The following MAST4 variants were observed in gnomAD, a reference collection of about 807,000 sequenced individuals.
The protein encoded by MAST4 is microtubule-associated serine/threonine-protein kinase 4.
A neutral mutation model predicts 162.7 loss-of-function variants in MAST4; 89 were observed. The ratio of observed to expected loss-of-function variants is 0.55; its 90% CI spans 0.46 to 0.65. The LOEUF (loss-of-function observed/expected upper bound fraction) is 0.65, where lower values mean the gene tolerates loss of function less well. Among genes scored for constraint, MAST4 ranks in the 30% least tolerant of loss-of-function variants. The pLI is 0.00. For missense variants in MAST4, 3,153 were observed against 3,374.0 expected, an observed-to-expected ratio of 0.93 and a Z score of 1.62; for synonymous variants, 1,479 against 1,361.1, an observed-to-expected ratio of 1.09 and a Z score of -1.91.
chr5:67,092,351 A>G (rs1352179492), intron 6 of MAST4, among the ~76,000 whole-genome samples: 1 of 152,208 alleles, frequency 6.6e-6, no homozygotes, highest in African/African-American at 2.4e-5. Flanking sequence ...ATAGACTAGA[A>G]AGTATAATGA....
chr5:66,886,538 C>CTGTG (rs777645054), intron 3 of MAST4, among the ~76,000 whole-genome samples: 1 of 151,534 alleles, frequency 6.6e-6, no homozygotes, highest in Non-Finnish European at 1.5e-5. Flanking sequence ...TTTGTTGTTG[C>CTGTG]TGTGTGTGTG....
At chr5:66,899,256 C>T (rs1343903295) in intron 3 of MAST4, among the ~76,000 whole-genome samples, 1 of 151,790 alleles carries the variant, frequency 6.6e-6, no homozygotes, top group Non-Finnish European at 1.5e-5. Flanking sequence ...TTTAGTTTTC[C>T]ACAGCCTCTT....
chr5:66,938,834 A>G (rs150388666), intron 4 of MAST4, among the ~76,000 whole-genome samples: 10 of 152,366 alleles, frequency 6.6e-5, no homozygotes, highest in African/African-American at 2.4e-4. Context: ...ACACATAAAC[A>G]GATACAACTG....
chr5:66,619,564 A>G (rs1743940702), intron 1 of MAST4, among the ~76,000 whole-genome samples: 1 of 152,134 alleles, frequency 6.6e-6, no homozygotes. Flanking sequence ...TGTATGTGGC[A>G]AAGTAAGTTT....
intron 10 of MAST4, among the ~76,000 whole-genome samples, chr5:67,109,726 A>G (rs1035912437): frequency 2.6e-5 from 4 of 152,212 alleles, no homozygotes; most frequent in Admixed American, 6.5e-5. Context: ...TATGTCTAAG[A>G]TGGTCTTAAC....
chr5:66,645,414 A>G (rs535623071), intron 1 of MAST4, among the ~76,000 whole-genome samples: 1 of 152,338 alleles, frequency 6.6e-6, no homozygotes, highest in Non-Finnish European at 1.5e-5. Flanking sequence ...ATTTCTCAGA[A>G]TGAAGTGCAA....
chr5:66,621,569 G>C (rs575327617), intron 1 of MAST4, among the ~76,000 whole-genome samples: 1 of 152,218 alleles, frequency 6.6e-6, no homozygotes, highest in Admixed American at 6.5e-5. Context: ...ATTACACTTT[G>C]CTCTTATGTT....
chr5:66,627,452 A>G (rs1046756840), intron 1 of MAST4, among the ~76,000 whole-genome samples: 1 of 152,182 alleles, frequency 6.6e-6, no homozygotes, highest in African/African-American at 2.4e-5. Context: ...AGAAGATGTG[A>G]TCAACCATGT....
chr5:67,094,468 C>T (rs146350746), intron 6 of MAST4, among the ~76,000 whole-genome samples: 4 of 152,244 alleles, frequency 2.6e-5, no homozygotes, highest in East Asian at 1.9e-4. Flanking sequence ...TAATAACAAA[C>T]GTAATAACAC....
At chr5:67,013,456 T>G (rs1186647151) in intron 4 of MAST4, among the ~76,000 whole-genome samples, 3 of 152,340 alleles carry the variant, frequency 2.0e-5, no homozygotes, top group African/African-American at 7.2e-5. Flanking sequence ...TTTTGCCACA[T>G]GAGTATTTGT....
chr5:66,773,734 A>G (rs1754460941), intron 2 of MAST4, among the ~76,000 whole-genome samples: 1 of 152,212 alleles, frequency 6.6e-6, no homozygotes, highest in Non-Finnish European at 1.5e-5. Flanking sequence ...CAAGGATGCA[A>G]CAAGAAGGCC....
At position 66,659,358 on chromosome 5, in the gene MAST4, G is replaced by A. The variant is rs570452412; in HGVS notation, c.363+62340G>A. On this transcript the variant is annotated intron_variant, in intron 1 of 28. Transcript: ENST00000403625. The stretch of plus-strand genomic sequence containing the variant: ...ACTTGAACGTGGTTCATCTGATTTC[G>A]AATCTGTTTTCACTGATGTATCACG... Among the ~76,000 whole-genome samples, 6 of 152,308 alleles carry A rather than the reference G, an allele frequency of 3.9e-5. No individual in the cohort carries two copies. The East Asian group carries it at 1.2e-3, about 29-fold the overall frequency.
intron 4 of MAST4, among the ~76,000 whole-genome samples, chr5:66,961,879 A>T (rs2150161233): frequency 6.6e-6 from 1 of 152,342 alleles, no homozygotes; most frequent in East Asian, 1.9e-4. Context: ...CAGCTTTTGA[A>T]TATGCTCTGA....
At chr5:67,110,260 A>G in intron 11 of MAST4, 61 bp downstream of exon 11, 1 of 1,219,370 alleles carries the variant, frequency 8.2e-7, no homozygotes, top group African/African-American at 1.5e-5. Flanking sequence ...AGTTACCATC[A>G]GAAAGCTCCT....
chr5:66,920,258 A>G (rs180689414), intron 4 of MAST4, among the ~76,000 whole-genome samples: 9 of 152,300 alleles, frequency 5.9e-5, no homozygotes, highest in African/African-American at 9.6e-5. Flanking sequence ...TGGTCAACTC[A>G]AATTGTGTTT....
chr5:66,798,746 T>A (rs1221016993), intron 3 of MAST4, among the ~76,000 whole-genome samples: 1 of 152,212 alleles, frequency 6.6e-6, no homozygotes, highest in Non-Finnish European at 1.5e-5. Context: ...GTTCTAGTAC[T>A]CTTAAGTATG....
intron 3 of MAST4, among the ~76,000 whole-genome samples, chr5:66,811,201 C>CTCTCAGCTCTGCTGCT (rs1188063655): frequency 2.6e-5 from 4 of 152,204 alleles, no homozygotes. Context: ...GCTCTGCTGC[C>CTCTCAGCTCTGCTGCT]TCTCAGCTCT....
At chr5:66,992,868 T>G (rs545534205) in intron 4 of MAST4, among the ~76,000 whole-genome samples, 2 of 152,290 alleles carry the variant, frequency 1.3e-5, no homozygotes, top group South Asian at 2.1e-4. Flanking sequence ...GCCAGCAGAT[T>G]GCAAACCTTG....
At chr5:66,759,260 G>A (rs1045296235) in intron 1 of MAST4, among the ~76,000 whole-genome samples, 2 of 152,188 alleles carry the variant, frequency 1.3e-5, no homozygotes, top group Non-Finnish European at 2.9e-5. Flanking sequence ...TCTACAGAGC[G>A]ACAATCTTCA....
Sources: allele counts gnomAD v4.1 joint callset (sites outside exome capture counted in the v4.1 genomes callset), GRCh38; gene constraint gnomAD v4.1.1; transcripts MANE v1.5; gene names NCBI Gene and HGNC (gene_info 2026-07-23, HGNC 2026-07-21).